The following PALLD variants were observed in gnomAD, a reference collection of about 807,000 sequenced individuals.
The protein encoded by PALLD is palladin.
A neutral mutation model predicts 123.5 loss-of-function variants in PALLD; 61 were observed. The observed-to-expected ratio is 0.49, with a 90% CI of 0.40 to 0.61. PALLD has a LOEUF of 0.61. Ranked by LOEUF, PALLD falls within the 20% of genes least tolerant of loss-of-function variation. PALLD has a pLI of 0.00. For missense variants in PALLD, 1,273 were observed against 1,377.0 expected, an observed-to-expected ratio of 0.92 and a Z score of 1.20; for synonymous variants, 465 against 496.4, an observed-to-expected ratio of 0.94 and a Z score of 0.84.
At chr4:168,606,665 A>AG (rs1404240334) in intron 2 of PALLD, among the ~76,000 whole-genome samples, 39 of 53,544 alleles carry the variant, frequency 7.3e-4, no homozygotes, top group Admixed American at 1.7e-3. Context: ...CTCCGTCTCA[A>AG]AAAAAAAAAA....
rs530358460 is a variant in PALLD, at chr4:168,543,068, G to A, written c.908+30656G>A. Among the ~76,000 whole-genome samples the A allele has an allele frequency of 7.9e-5, 12 of 151,934 alleles. No individual in the cohort carries two copies. In the South Asian group the frequency reaches 8.3e-4, roughly 11 times the overall value. Reference sequence around the variant, plus strand: ...AATCCTCATGAGCTGATACTGTCTCGTCTACTTTATGAGAAAGTATAGCAC... The same window carrying A: ...AATCCTCATGAGCTGATACTGTCTCATCTACTTTATGAGAAAGTATAGCAC... On this transcript the variant is annotated intron_variant, in intron 2 of 21. Transcript: ENST00000505667.
chr4:168,540,976 A>T (rs1257295558), intron 2 of PALLD, among the ~76,000 whole-genome samples: 2 of 152,202 alleles, frequency 1.3e-5, no homozygotes, highest in Non-Finnish European at 2.9e-5. Context: ...TATACTCTAA[A>T]TTGTTGACCT....
chr4:168,501,400 T>A (rs1483497650), intron 1 of PALLD, among the ~76,000 whole-genome samples: 1 of 150,830 alleles, frequency 6.6e-6, no homozygotes, highest in Non-Finnish European at 1.5e-5. Flanking sequence ...AGGGGCAAAA[T>A]TGAAAAGAAA....
Position 168,681,406 on chromosome 4 carries a change from C to T in PALLD, c.1154+8C>T. ...AGCTGGAGCTATGCCACAGTAAGTGCCTACAATTCCATCGATTATGTGGAA... is the reference window on the plus strand; with the variant it reads ...AGCTGGAGCTATGCCACAGTAAGTGTCTACAATTCCATCGATTATGTGGAA... On this transcript the variant is annotated splice_region_variant and intron_variant, in intron 4 of 21. Transcript: ENST00000505667. 1 of 1,551,978 alleles carries T rather than the reference C, an allele frequency of 6.4e-7. No homozygotes were observed. Among genetic ancestry groups the T allele is most frequent in the Non-Finnish European group, 8.9e-7 (1 of 1,123,830 alleles).
At chr4:168,591,070 A>G (rs1195237074) in intron 2 of PALLD, among the ~76,000 whole-genome samples, 2 of 151,742 alleles carry the variant, frequency 1.3e-5, no homozygotes, top group Non-Finnish European at 2.9e-5. Context: ...GTAGAGACAG[A>G]GTTTCGCCAT....
chr4:168,767,920 C>A (rs986087127), intron 10 of PALLD, among the ~76,000 whole-genome samples: 2 of 152,128 alleles, frequency 1.3e-5, no homozygotes, highest in Admixed American at 6.5e-5. Flanking sequence ...CCTACACCAG[C>A]CCATCTTTCC....
At chr4:168,678,379 C>G (rs757554197) in intron 3 of PALLD, among the ~76,000 whole-genome samples, 3 of 152,144 alleles carry the variant, frequency 2.0e-5, no homozygotes, top group African/African-American at 7.2e-5. Flanking sequence ...TCTAACCCAG[C>G]GTCCATCCTC....
intron 2 of PALLD, among the ~76,000 whole-genome samples, chr4:168,519,873 T>C (rs1316645385): frequency 6.7e-6 from 1 of 150,148 alleles, no homozygotes; most frequent in Non-Finnish European, 1.5e-5. Context: ...GCCTATTTTC[T>C]TATTCTTTTA....
chr4:168,759,179 C>CAA lies in PALLD; in HGVS notation c.1964+47279_1964+47280dup, dbSNP rs1175955888. ...GGGTGACAAGAGTGAGACTCCATCT[C>CAA]AAAAAAAAAAAAAAAAAAAAAAAAT... On this transcript the variant is annotated intron_variant, in intron 10 of 21. Coordinates refer to ENST00000505667, the MANE Select transcript of PALLD (RefSeq NM_001166108.2). Among the ~76,000 whole-genome samples, 5 of 9,046 alleles carry CAA rather than the reference C, an allele frequency of 5.5e-4. 1 individual carries two copies. Among genetic ancestry groups the CAA allele is most frequent in the African/African-American group, 8.4e-4 (1 of 1,186 alleles). 5.9% of individuals were successfully genotyped at this position (9,046 alleles called of 152,430 possible).
chr4:168,889,781 C>T (rs1753900378), intron 10 of PALLD, among the ~76,000 whole-genome samples: 1 of 152,200 alleles, frequency 6.6e-6, no homozygotes, highest in African/African-American at 2.4e-5. Context: ...TGGGCCCCAA[C>T]TCTGAATTTG....
chr4:168,600,030 C>CATACATACATGTGTATACACACATAT (rs1376062172), intron 2 of PALLD, among the ~76,000 whole-genome samples: 33 of 144,772 alleles, frequency 2.3e-4, no homozygotes, highest in South Asian at 8.6e-4. Flanking sequence ...TGTACACACA[C>CATACATACATGTGTATACACACATAT]ATACATACAT....
In PALLD at chr4:168,610,183, C is replaced by A. The variant is rs368330409; in HGVS notation, c.909-58007C>A. ...CTGGCCCATCAACTATGTTGCATCT[C>A]GGATAGCTTTCCACCAGGAGTCTTT... On this transcript the variant is annotated intron_variant, in intron 2 of 21. Transcript: ENST00000505667. 1.3e-4 allele frequency among the ~76,000 whole-genome samples: 20 copies of A among 152,276 alleles called. No homozygotes were observed. In the East Asian group the frequency reaches 2.1e-3, roughly 16 times the overall value.
chr4:168,833,576 C>T (rs1020627430), intron 10 of PALLD, among the ~76,000 whole-genome samples: 4 of 152,094 alleles, frequency 2.6e-5, no homozygotes, highest in African/African-American at 9.7e-5. Flanking sequence ...GGAATGGTGT[C>T]ACCAGCCTTG....
At chr4:168,907,115 G>A (rs1173731871) in intron 15 of PALLD, among the ~76,000 whole-genome samples, 2 of 151,694 alleles carry the variant, frequency 1.3e-5, no homozygotes, top group Non-Finnish European at 2.9e-5. Context: ...CTCGTAAAAT[G>A]AGGATGATAA....
chr4:168,612,422 C>T (rs1351403943), intron 2 of PALLD, among the ~76,000 whole-genome samples: 3 of 152,106 alleles, frequency 2.0e-5, no homozygotes, highest in South Asian at 2.1e-4. Context: ...TTTTCTGATT[C>T]GTGGATGATC....
At chr4:168,595,083 G>C (rs1771842745) in intron 2 of PALLD, among the ~76,000 whole-genome samples, 1 of 152,106 alleles carries the variant, frequency 6.6e-6, no homozygotes, top group Admixed American at 6.6e-5. Flanking sequence ...TAATCCAAAA[G>C]ACTATGGATT....
At chr4:168,681,458 G>T (rs530719480) in intron 4 of PALLD, 60 bp downstream of exon 4, 2 of 1,076,374 alleles carry the variant, frequency 1.9e-6, no homozygotes, top group East Asian at 2.4e-5. Context: ...GAATGGTTGG[G>T]GTATGAAACC....
intron 10 of PALLD, among the ~76,000 whole-genome samples, chr4:168,781,497 GGCC>G (rs1213884697): frequency 6.6e-6 from 1 of 152,216 alleles, no homozygotes; most frequent in Non-Finnish European, 1.5e-5. Context: ...CAGGGGCAGA[GGCC>G]GGGAAGCCTG....
At chr4:168,919,449 C>T (rs368563996) in intron 17 of PALLD, among the ~76,000 whole-genome samples, 1 of 151,530 alleles carries the variant, frequency 6.6e-6, no homozygotes, top group Admixed American at 6.6e-5. Context: ...TGCTTGAACC[C>T]GGGAGGCGGA....
Sources: allele counts gnomAD v4.1 joint callset (sites outside exome capture counted in the v4.1 genomes callset), GRCh38; gene constraint gnomAD v4.1.1; transcripts MANE v1.5; gene names NCBI Gene and HGNC (gene_info 2026-07-23, HGNC 2026-07-21).